KDM5A: variants seen among roughly 807,000 people sequenced by gnomAD.
KDM5A encodes the protein lysine demethylase 5A.
A neutral mutation model predicts 193.5 loss-of-function variants in KDM5A; 42 were observed. That is an observed-to-expected ratio of 0.22 (90% CI 0.17 to 0.28). The LOEUF (loss-of-function observed/expected upper bound fraction) is 0.28, where lower values mean the gene tolerates loss of function less well. Among genes scored for constraint, KDM5A ranks in the 10% least tolerant of loss-of-function variants. The pLI is 1.00. For synonymous variants in KDM5A, 796 were observed against 718.1 expected (o/e 1.11, Z -1.73); for missense variants, 1,692 against 2,055.1 (o/e 0.82, Z 3.42).
At chr12:333,431 A>G in intron 12 of KDM5A, 56 bp downstream of exon 12, 3 of 1,604,300 alleles carry the variant, frequency 1.9e-6, no homozygotes, top group Non-Finnish European at 2.6e-6. Context: ...AAAAAAAGAA[A>G]AAAGAAAAAA....
chr12:320,284 G>A, intron 18 of KDM5A, among the ~76,000 whole-genome samples: 1 of 152,120 alleles, frequency 6.6e-6, no homozygotes, highest in East Asian at 1.9e-4. Flanking sequence ...ACCACTTGAG[G>A]TCAGGAGTTT....
intron 24 of KDM5A, among the ~76,000 whole-genome samples, chr12:301,430 CAT>C (rs1361050113): frequency 3.3e-5 from 5 of 152,176 alleles, no homozygotes; most frequent in Non-Finnish European, 5.9e-5. Flanking sequence ...ATAAAAACCA[CAT>C]GATTATTATC....
chr12:305,902 G>A (rs1413418659), intron 24 of KDM5A, among the ~76,000 whole-genome samples: 1 of 151,132 alleles, frequency 6.6e-6, no homozygotes, highest in Non-Finnish European at 1.5e-5. Flanking sequence ...ACCCATCTCC[G>A]AATGTGACAT....
intron 19 of KDM5A, among the ~76,000 whole-genome samples, chr12:314,951 T>C (rs1943632562): frequency 2.0e-5 from 3 of 152,210 alleles, no homozygotes; most frequent in African/African-American, 7.2e-5. Flanking sequence ...TTAGGGAATT[T>C]GGACTTCATC....
chr12:324,881 A>AG lies in KDM5A; in HGVS notation c.1969-1101_1969-1100insC, dbSNP rs561029793. 2.7e-3 allele frequency among the ~76,000 whole-genome samples: 414 copies of AG among 152,192 alleles called. 2 individuals carry two copies. Among genetic ancestry groups the AG allele is most frequent in the African/African-American group, 9.6e-3 (397 of 41,544 alleles). ...GAGCGAGACTCCATCTCAAAAAGAAAAAAAAAAAAAGAATGTAAGAGCATA... is the reference window on the plus strand; with the variant it reads ...GAGCGAGACTCCATCTCAAAAAGAAAGAAAAAAAAAAGAATGTAAGAGCATA... On this transcript the variant is annotated intron_variant, in intron 14 of 27. Transcript: ENST00000399788.
chr12:363,522 T>C (rs1467706656), intron 4 of KDM5A, among the ~76,000 whole-genome samples: 1 of 152,164 alleles, frequency 6.6e-6, no homozygotes, highest in African/African-American at 2.4e-5. Context: ...GGGAAAAGGA[T>C]AGCCTTTTAA....
intron 3 of KDM5A, among the ~76,000 whole-genome samples, chr12:372,581 A>C (rs971139765): frequency 2.5e-4 from 38 of 152,174 alleles, no homozygotes; most frequent in African/African-American, 7.7e-4. Flanking sequence ...AATACCCTTT[A>C]TTTCTTTTTC....
At chr12:314,236 C>T (rs1943623678) in intron 19 of KDM5A, among the ~76,000 whole-genome samples, 1 of 152,102 alleles carries the variant, frequency 6.6e-6, no homozygotes, top group East Asian at 1.9e-4. Flanking sequence ...CTCGGGGTCA[C>T]CCAGGCTGAA....
intron 5 of KDM5A, among the ~76,000 whole-genome samples, 162 bp from the exon 6 acceptor site, chr12:356,699 G>T (rs1285547869): frequency 6.6e-6 from 1 of 152,124 alleles, no homozygotes; most frequent in Non-Finnish European, 1.5e-5. Context: ...GTTGAAAACG[G>T]TCACCAAAAC....
intron 11 of KDM5A, 73 bp from the exon 12 acceptor site, chr12:333,722 A>C: frequency 1.5e-6 from 2 of 1,346,240 alleles, no homozygotes; most frequent in Non-Finnish European, 2.1e-6. Context: ...ATTCCAATCC[A>C]CCAAATTATA....
chr12:319,696 G>A (rs567136569), intron 18 of KDM5A, among the ~76,000 whole-genome samples: 4 of 152,196 alleles, frequency 2.6e-5, no homozygotes, highest in African/African-American at 4.8e-5. Flanking sequence ...AGAAGTTACA[G>A]TGAGCCGAGA....
chr12:361,147 C>T (rs1245555391), intron 5 of KDM5A, among the ~76,000 whole-genome samples: 1 of 152,042 alleles, frequency 6.6e-6, no homozygotes, highest in Non-Finnish European at 1.5e-5. Flanking sequence ...AATCTGAATA[C>T]AGTGACAACT....
chr12:357,606 G>A (rs1323113551), intron 5 of KDM5A, among the ~76,000 whole-genome samples: 1 of 151,704 alleles, frequency 6.6e-6, no homozygotes, highest in East Asian at 1.9e-4. Context: ...GAGGCGGGCG[G>A]ATCACAAGGT....
At chr12:309,729 A>C in intron 22 of KDM5A, 74 bp downstream of exon 22, 1 of 1,483,506 alleles carries the variant, frequency 6.7e-7, no homozygotes, top group Non-Finnish European at 9.4e-7. Flanking sequence ...AAACATAAAA[A>C]CTGTGAGTCT....
intron 3 of KDM5A, among the ~76,000 whole-genome samples, chr12:372,714 T>C (rs1268293482): frequency 6.6e-6 from 1 of 152,248 alleles, no homozygotes; most frequent in Admixed American, 6.5e-5. Context: ...TCCAGTATGA[T>C]ATTGGCTGTG....
intron 10 of KDM5A, among the ~76,000 whole-genome samples, chr12:348,220 T>C (rs953218489): frequency 6.6e-6 from 1 of 152,130 alleles, no homozygotes; most frequent in Non-Finnish European, 1.5e-5. Context: ...TGAGATACCA[T>C]CTCACACCAG....
At chr12:324,466 T>C (rs1943759176) in intron 14 of KDM5A, among the ~76,000 whole-genome samples, 1 of 152,190 alleles carries the variant, frequency 6.6e-6, no homozygotes, top group South Asian at 2.1e-4. Context: ...AAAGTAACAC[T>C]GACATATACA....
chr12:346,496 T>C (rs1392658528), intron 10 of KDM5A, among the ~76,000 whole-genome samples: 1 of 152,158 alleles, frequency 6.6e-6, no homozygotes, highest in Admixed American at 6.5e-5. Flanking sequence ...CTGATGAACA[T>C]CGATGTGAAA....
chr12:307,848 A>G lies in KDM5A; in HGVS notation c.3536T>C (p.Leu1179Pro). Residue 1179 changes from leucine to proline, a missense_variant, in exon 23 of 28, where the codon CTC becomes CCC. Leu to Pro is a moderately conservative substitution (Grantham distance 98). Coordinates refer to ENST00000399788, the MANE Select transcript of KDM5A (RefSeq NM_001042603.3). This position sits in a 1 kb window ranked among gnomAD's most constrained non-coding sequence, Gnocchi z 4.3. ...TASGFMLQCE[L>P]CKDWFHNSCV... ...GCTGTTATGGAACCAGTCTTTGCAG[A>G]GCTCACACTGTAGCATAAACCCACT... The G allele has an allele frequency of 6.2e-7, 1 of 1,614,182 alleles. No homozygotes were observed. Among genetic ancestry groups the G allele is most frequent in the South Asian group, 1.1e-5 (1 of 91,082 alleles).
Sources: allele counts gnomAD v4.1 joint callset (sites outside exome capture counted in the v4.1 genomes callset), GRCh38; gene constraint gnomAD v4.1.1; non-coding constraint Gnocchi (gnomAD v3.1); transcripts MANE v1.5; gene names NCBI Gene and HGNC (gene_info 2026-07-23, HGNC 2026-07-21).